The following LRRC4C variants were observed in gnomAD, a reference collection of about 807,000 sequenced individuals.
LRRC4C encodes leucine rich repeat containing 4C, also known as leucine-rich repeat-containing protein 4C.
In LRRC4C, 5 loss-of-function variants were observed where a neutral mutation model predicts 33.6. The observed-to-expected ratio is 0.15, with a 90% CI of 0.08 to 0.31. The LOEUF (loss-of-function observed/expected upper bound fraction) is 0.31. LRRC4C is among the 10% of genes least tolerant of loss of function. LRRC4C has a pLI of 1.00. For missense variants in LRRC4C, 560 were observed against 796.7 expected, an observed-to-expected ratio of 0.70 and a Z score of 3.58; for synonymous variants, 329 against 302.0, an observed-to-expected ratio of 1.09 and a Z score of -0.93.
At chr11:41,228,257 T>C (rs1162215736) in intron 1 of LRRC4C, among the ~76,000 whole-genome samples, 1 of 152,062 alleles carries the variant, frequency 6.6e-6, no homozygotes, top group Non-Finnish European at 1.5e-5. Context: ...CTCATATAGA[T>C]AGATCAATAG....
chr11:41,328,137 T>C (rs1951180260), intron 1 of LRRC4C, among the ~76,000 whole-genome samples: 1 of 152,186 alleles, frequency 6.6e-6, no homozygotes, highest in Non-Finnish European at 1.5e-5. Context: ...GTACCCCTAC[T>C]ACTCTGCCAC....
rs1366124590 is a variant in LRRC4C at position 40,788,382 on chromosome 11, A to C, written c.-406-140104T>G. Among the ~76,000 whole-genome samples the C allele has an allele frequency of 4.6e-5, 7 of 152,030 alleles. No homozygotes were observed. In the East Asian group the frequency reaches 1.4e-3, roughly 29 times the overall value. On this transcript the variant is annotated intron_variant, in intron 2 of 6. Transcript: ENST00000528697. ...TCTGTATAGACTCTGATGCTTTATA[A>C]TTTGCAGTCTTGTCCTACCTTTGAG...
intron 1 of LRRC4C, among the ~76,000 whole-genome samples, chr11:41,155,473 G>C (rs1284869089): frequency 6.6e-6 from 1 of 152,128 alleles, no homozygotes; most frequent in Non-Finnish European, 1.5e-5. Context: ...TTAAAGGTCT[G>C]CCTGAATCAA....
intron 3 of LRRC4C, among the ~76,000 whole-genome samples, chr11:40,324,781 G>A (rs1946016628): frequency 6.6e-6 from 1 of 152,196 alleles, no homozygotes; most frequent in Non-Finnish European, 1.5e-5. Flanking sequence ...ATGTGATAAG[G>A]ACAAGGTTGG....
rs188533440 is a variant in LRRC4C, at chr11:40,524,189, C to T, written c.-270+123953G>A. On this transcript the variant is annotated intron_variant, in intron 3 of 6. Transcript: ENST00000528697. ...TCTCACTGCTGCTGATGCTACCTTCCGTAAATCTTTATTAATTCAGTATCA... is the reference window on the plus strand; with the variant it reads ...TCTCACTGCTGCTGATGCTACCTTCTGTAAATCTTTATTAATTCAGTATCA... 3.2e-4 allele frequency among the ~76,000 whole-genome samples: 49 copies of T among 152,154 alleles called. No individual in the cohort carries two copies. The East Asian group carries it at 4.5e-3, about 14-fold the overall frequency.
In LRRC4C at chr11:40,519,193, A is replaced by T. The variant is rs11035884; in HGVS notation, c.-270+128949T>A. On this transcript the variant is annotated intron_variant, in intron 3 of 6. Coordinates refer to ENST00000528697, the MANE Select transcript of LRRC4C (RefSeq NM_001258419.2). ...ACCATGGCATGTGTATACATATGTAACAAAACTCGACGTTCTGCACATGTA... is the reference window on the plus strand; with the variant it reads ...ACCATGGCATGTGTATACATATGTATCAAAACTCGACGTTCTGCACATGTA... Among the ~76,000 whole-genome samples the T allele has an allele frequency of 3.4e-4, 52 of 152,232 alleles. No individual in the cohort carries two copies. The East Asian group carries it at 8.7e-3, about 25-fold the overall frequency.
At chr11:40,852,135 T>A (rs1345895604) in intron 2 of LRRC4C, among the ~76,000 whole-genome samples, 1 of 152,098 alleles carries the variant, frequency 6.6e-6, no homozygotes. Flanking sequence ...CTAGATTTTT[T>A]TTTTTTTCCA....
At chr11:41,040,893 G>C (rs1257905175) in intron 1 of LRRC4C, among the ~76,000 whole-genome samples, 1 of 151,952 alleles carries the variant, frequency 6.6e-6, no homozygotes, top group African/African-American at 2.4e-5. Flanking sequence ...AGACTTTTTT[G>C]TTTGTCTTGA....
At chr11:40,264,390 T>C (rs901231952) in intron 4 of LRRC4C, among the ~76,000 whole-genome samples, 1 of 152,202 alleles carries the variant, frequency 6.6e-6, no homozygotes, top group African/African-American at 2.4e-5. Flanking sequence ...TTTAAAAATA[T>C]ATTACGTTTG....
chr11:40,646,194 C>T (rs1454334224), intron 3 of LRRC4C, among the ~76,000 whole-genome samples: 2 of 152,104 alleles, frequency 1.3e-5, no homozygotes, highest in African/African-American at 4.8e-5. Context: ...AAAGCAGCTG[C>T]AGAGGCCATG....
intron 1 of LRRC4C, among the ~76,000 whole-genome samples, chr11:41,453,201 C>T (rs1956079657): frequency 1.3e-5 from 2 of 152,118 alleles, no homozygotes; most frequent in South Asian, 4.1e-4. Flanking sequence ...TTACTTTCCT[C>T]TGTGTCCTGT....
chr11:40,690,557 C>T (rs1471855888), intron 2 of LRRC4C, among the ~76,000 whole-genome samples: 2 of 152,058 alleles, frequency 1.3e-5, no homozygotes, highest in Non-Finnish European at 2.9e-5. Context: ...GGCCATTTTA[C>T]ATTGGCATAT....
intron 3 of LRRC4C, among the ~76,000 whole-genome samples, chr11:40,427,242 G>T (rs755120373): frequency 2.0e-5 from 3 of 152,094 alleles, no homozygotes; most frequent in East Asian, 1.9e-4. Context: ...GGTGGCTCAC[G>T]CCTGTAATCC....
At chr11:40,291,124 G>T (rs1226747517) in intron 4 of LRRC4C, among the ~76,000 whole-genome samples, 1 of 152,012 alleles carries the variant, frequency 6.6e-6, no homozygotes, top group Non-Finnish European at 1.5e-5. Flanking sequence ...AGTTATATGA[G>T]TCTATGATTC....
intron 3 of LRRC4C, among the ~76,000 whole-genome samples, chr11:40,548,086 T>C (rs1323892923): frequency 6.6e-6 from 1 of 151,852 alleles, no homozygotes; most frequent in African/African-American, 2.4e-5. Flanking sequence ...AGAAGGAAAG[T>C]GTGCATATGT....
At chr11:40,901,305 A>G (rs1956185229) in intron 2 of LRRC4C, among the ~76,000 whole-genome samples, 1 of 152,066 alleles carries the variant, frequency 6.6e-6, no homozygotes, top group Non-Finnish European at 1.5e-5. Context: ...TACAAATTTA[A>G]TGGAATTCAC....
chr11:40,696,502 G>A (rs958316083), intron 2 of LRRC4C, among the ~76,000 whole-genome samples: 1 of 148,498 alleles, frequency 6.7e-6, no homozygotes, highest in Non-Finnish European at 1.5e-5. Flanking sequence ...CACTCATAAT[G>A]TATTTCCCTG....
intron 3 of LRRC4C, among the ~76,000 whole-genome samples, chr11:40,608,668 A>G (rs1189478389): frequency 6.6e-6 from 1 of 152,174 alleles, no homozygotes; most frequent in East Asian, 1.9e-4. Context: ...CATGCTAACT[A>G]CATTCTCTCT....
At chr11:40,712,002 C>T (rs957238591) in intron 2 of LRRC4C, among the ~76,000 whole-genome samples, 5 of 152,122 alleles carry the variant, frequency 3.3e-5, no homozygotes, top group Non-Finnish European at 5.9e-5. Flanking sequence ...TGCAAACTTC[C>T]TTGCAGAGTA....
Sources: allele counts gnomAD v4.1 joint callset (sites outside exome capture counted in the v4.1 genomes callset), GRCh38; gene constraint gnomAD v4.1.1; transcripts MANE v1.5; gene names NCBI Gene and HGNC (gene_info 2026-07-23, HGNC 2026-07-21).